The following PLS1 variants were observed in gnomAD, a reference collection of about 807,000 sequenced individuals.
PLS1 encodes the protein plastin-1.
A neutral mutation model predicts 73.7 loss-of-function variants in PLS1; 32 were observed. The observed-to-expected ratio is 0.43, with a 90% CI of 0.33 to 0.58. The LOEUF (loss-of-function observed/expected upper bound fraction) is 0.58. PLS1 is among the 20% of genes least tolerant of loss of function. PLS1 has a pLI of 0.04. For synonymous variants in PLS1, 217 were observed against 261.3 expected, an observed-to-expected ratio of 0.83 and a Z score of 1.63; for missense variants, 633 against 740.5, an observed-to-expected ratio of 0.85 and a Z score of 1.68.
chr3:142,640,754 T>G (rs2036813090), intron 1 of PLS1, among the ~76,000 whole-genome samples: 2 of 152,114 alleles, frequency 1.3e-5, no homozygotes, highest in Admixed American at 1.3e-4. Flanking sequence ...TTGGCTAGGT[T>G]GTAGGGGCAT....
intron 3 of PLS1, among the ~76,000 whole-genome samples, chr3:142,670,623 TATC>T (rs2107843308): frequency 6.6e-6 from 1 of 152,360 alleles, no homozygotes; most frequent in East Asian, 1.9e-4. Flanking sequence ...TGACTTATTT[TATC>T]ATGAATGCAT....
At chr3:142,662,615 G>T (rs2037395467) in intron 1 of PLS1, among the ~76,000 whole-genome samples, 1 of 152,142 alleles carries the variant, frequency 6.6e-6, no homozygotes, top group Non-Finnish European at 1.5e-5. Flanking sequence ...TCTTAAAAAT[G>T]TAAGTAATTC....
intron 1 of PLS1, among the ~76,000 whole-genome samples, chr3:142,663,953 A>G (rs1164199075): frequency 6.6e-6 from 1 of 152,222 alleles, no homozygotes; most frequent in Admixed American, 6.5e-5. Flanking sequence ...TCATTAGGCT[A>G]TTGAGAAATA....
At chr3:142,627,173 G>A (rs1023397591) in intron 1 of PLS1, among the ~76,000 whole-genome samples, 1 of 152,166 alleles carries the variant, frequency 6.6e-6, no homozygotes, top group Non-Finnish European at 1.5e-5. Flanking sequence ...AGACAAGGGT[G>A]TGACCTCAGT....
At chr3:142,678,188 A>T (rs1172927003) in intron 6 of PLS1, 75 bp downstream of exon 6, 2 of 650,000 alleles carry the variant, frequency 3.1e-6, no homozygotes, top group African/African-American at 3.8e-5. Context: ...GAATGCTTGG[A>T]CCCAGATAAA....
At chr3:142,676,016 G>A in intron 4 of PLS1, 141 bp from the exon 5 acceptor site, 1 of 700,548 alleles carries the variant, frequency 1.4e-6, no homozygotes. Context: ...TTGTGTTTTA[G>A]TAGATTTGTA....
rs145375736 is a variant in PLS1 at position 142,689,148 on chromosome 3, C to T, written c.982-470C>T. On this transcript the variant is annotated intron_variant, in intron 9 of 15. Coordinates refer to ENST00000457734, the MANE Select transcript of PLS1 (RefSeq NM_001145319.2). Reference sequence around the variant, plus strand: ...TTTTTTCCTTTTAACTTAAAAGGCACGGGGGCTGGGCTTAGTGGCTCACGG... The same window carrying T: ...TTTTTTCCTTTTAACTTAAAAGGCATGGGGGCTGGGCTTAGTGGCTCACGG... 1.2e-4 allele frequency among the ~76,000 whole-genome samples: 18 copies of T among 152,148 alleles called. No individual in the cohort carries two copies. In the East Asian group the frequency reaches 3.5e-3, roughly 29 times the overall value.
At chr3:142,708,250 T>C (rs1932942532) in intron 14 of PLS1, among the ~76,000 whole-genome samples, 1 of 152,124 alleles carries the variant, frequency 6.6e-6, no homozygotes, top group South Asian at 2.1e-4. Context: ...GTTTATTTTA[T>C]TTATTTATTT....
chr3:142,599,727 G>A (rs961879656), intron 1 of PLS1, among the ~76,000 whole-genome samples: 1 of 151,498 alleles, frequency 6.6e-6, no homozygotes, highest in Non-Finnish European at 1.5e-5. Context: ...ATTACTTTTT[G>A]AGGTTGTTGG....
chr3:142,695,651 A>G (rs1334442225), intron 11 of PLS1, among the ~76,000 whole-genome samples: 1 of 152,228 alleles, frequency 6.6e-6, no homozygotes, highest in Non-Finnish European at 1.5e-5. Context: ...TTTGTTTACA[A>G]TTTGAGTGTG....
intron 1 of PLS1, among the ~76,000 whole-genome samples, chr3:142,639,830 GAATA>G (rs1050567897): frequency 6.6e-6 from 1 of 152,118 alleles, no homozygotes; most frequent in Non-Finnish European, 1.5e-5. Flanking sequence ...TAAGTGTAGA[GAATA>G]AATCTAATAT....
intron 1 of PLS1, among the ~76,000 whole-genome samples, chr3:142,620,407 G>A (rs1386420925): frequency 1.3e-5 from 2 of 152,104 alleles, no homozygotes; most frequent in Admixed American, 6.5e-5. Flanking sequence ...GGTTACAGGC[G>A]TGAGCCACCG....
intron 4 of PLS1, among the ~76,000 whole-genome samples, chr3:142,672,810 ACAGTT>A (rs2037633864): frequency 6.6e-6 from 1 of 152,200 alleles, no homozygotes; most frequent in Non-Finnish European, 1.5e-5. Context: ...TTTAAAGTAT[ACAGTT>A]CAGTAGTTTT....
At chr3:142,701,226 G>A (rs764777109) in intron 12 of PLS1, among the ~76,000 whole-genome samples, 3 of 152,138 alleles carry the variant, frequency 2.0e-5, no homozygotes, top group Non-Finnish European at 4.4e-5. Context: ...TGGTTCTTGG[G>A]CCAAAGGTCT....
chr3:142,644,978 T>C (rs1165736283), intron 1 of PLS1, among the ~76,000 whole-genome samples: 1 of 152,220 alleles, frequency 6.6e-6, no homozygotes, highest in East Asian at 1.9e-4. Flanking sequence ...CATTCATCTT[T>C]TGCGAGTAGG....
chr3:142,681,660 G>A (rs895846226), intron 6 of PLS1, among the ~76,000 whole-genome samples: 8 of 152,162 alleles, frequency 5.3e-5, no homozygotes, highest in African/African-American at 9.7e-5. Context: ...GCATCAACAC[G>A]AGTCTTCAGG....
At chr3:142,702,194 C>T (rs1281200319) in intron 12 of PLS1, among the ~76,000 whole-genome samples, 1 of 152,190 alleles carries the variant, frequency 6.6e-6, no homozygotes, top group Non-Finnish European at 1.5e-5. Context: ...GCTGGGACTA[C>T]AGGCATGTGC....
At chr3:142,649,286 T>C (rs1403448105) in intron 1 of PLS1, among the ~76,000 whole-genome samples, 1 of 138,688 alleles carries the variant, frequency 7.2e-6, no homozygotes, top group African/African-American at 2.8e-5. Context: ...CAGTGAACCA[T>C]GATCATGATA....
intron 1 of PLS1, among the ~76,000 whole-genome samples, chr3:142,607,121 G>A (rs1304012463): frequency 2.6e-5 from 4 of 151,904 alleles, no homozygotes; most frequent in Admixed American, 6.6e-5. Flanking sequence ...AATTATGGCC[G>A]TTTTAATACA....
Sources: allele counts gnomAD v4.1 joint callset (sites outside exome capture counted in the v4.1 genomes callset), GRCh38; gene constraint gnomAD v4.1.1; transcripts MANE v1.5; gene names NCBI Gene and HGNC (gene_info 2026-07-23, HGNC 2026-07-21).